The following TTC7A variants were observed in gnomAD, a reference collection of about 807,000 sequenced individuals.
TTC7A encodes tetratricopeptide repeat domain 7A, also known as tetratricopeptide repeat protein 7A.
In TTC7A, 110 loss-of-function variants were observed where a neutral mutation model predicts 103.7. The observed-to-expected ratio is 1.06, with a 90% CI of 0.91 to 1.24. The LOEUF is 1.24. Ranked by LOEUF, TTC7A falls within the 50% of genes most tolerant of loss-of-function variation. TTC7A has a pLI of 0.00. For synonymous variants in TTC7A, 521 were observed against 467.9 expected (o/e 1.11, Z -1.47); for missense variants, 1,340 against 1,116.3 (o/e 1.20, Z -2.86).
intron 19 of TTC7A, chr2:47,065,874 G>C (rs1463614048): frequency 6.6e-6 from 1 of 152,194 alleles, no homozygotes; most frequent in Non-Finnish European, 1.5e-5. Context: ...CGAGGTGTCT[G>C]GGTGGCACTC....
At chr2:46,995,029 C>T in intron 7 of TTC7A, 107 bp from the exon 8 acceptor site, 5 of 1,016,962 alleles carry the variant, frequency 4.9e-6, no homozygotes, top group Non-Finnish European at 6.1e-6. Context: ...AAGAGGTCAC[C>T]TTACCGAGCT....
At chr2:47,058,617 G>C (rs967467177) in intron 18 of TTC7A, among the ~76,000 whole-genome samples, 1 of 152,244 alleles carries the variant, frequency 6.6e-6, no homozygotes, top group African/African-American at 2.4e-5. Context: ...GTCAGACTCT[G>C]CTGGCCCTTC....
rs35897582 is a variant in TTC7A at position 46,928,459 on chromosome 2, TAAAAA to T, written c.82+11204_82+11208del. Among the ~76,000 whole-genome samples the T allele has an allele frequency of 8.6e-3, 709 of 81,986 alleles. 11 individuals carry two copies. Among genetic ancestry groups the T allele is most frequent in the African/African-American group, 0.025 (644 of 26,046 alleles). The allele number at this position is 81,986 out of a possible 152,430, so 53.8% of individuals were successfully genotyped here. ...AAGCTCAGGTGGTGGAAAGGGAAATTAAAAAAAAAAAAAAAAAAAAAAAAAACTTG... is the reference window on the plus strand; with the variant it reads ...AAGCTCAGGTGGTGGAAAGGGAAATTAAAAAAAAAAAAAAAAAAAAACTTG... On this transcript the variant is annotated intron_variant, in intron 2 of 20. Transcript: ENST00000409245.
Position 46,989,634 on chromosome 2 carries a change from C to G in TTC7A, c.765-3816C>G, listed in dbSNP as rs979985988. Among the ~76,000 whole-genome samples the G allele has an allele frequency of 2.4e-5, 3 of 126,378 alleles. No individual in the cohort carries two copies. The East Asian group carries it at 6.4e-4, about 27-fold the overall frequency. The allele number at this position is 126,378 out of a possible 152,430, so 82.9% of individuals were successfully genotyped here. On this transcript the variant is annotated intron_variant, in intron 5 of 19. Transcript: ENST00000319190. The stretch of plus-strand genomic sequence containing the variant: ...CCTCTCTATTTTTTTTTTTTTTTTT[C>G]TTGAAGGACATTCAATAAAAATTGG...
At chr2:47,042,535 G>C (rs990451867) in intron 15 of TTC7A, among the ~76,000 whole-genome samples, 89 of 152,142 alleles carry the variant, frequency 5.8e-4, no homozygotes, top group African/African-American at 2.0e-3. Context: ...TTTATAAAAG[G>C]GCAGCTTTTC....
intron 3 of TTC7A, 156 bp from the exon 4 acceptor site, chr2:46,974,817 C>T: frequency 9.5e-7 from 1 of 1,050,218 alleles, no homozygotes. Context: ...ACCACCGTCG[C>T]TTCAGCTTCC....
chr2:46,976,765 A>C (rs1042490791), intron 4 of TTC7A, among the ~76,000 whole-genome samples: 4 of 152,214 alleles, frequency 2.6e-5, no homozygotes, highest in African/African-American at 9.7e-5. Context: ...TTGTTGTGAC[A>C]ACCAAAAATG....
At chr2:46,942,999 G>A (rs962458597) in intron 1 of TTC7A, among the ~76,000 whole-genome samples, 2 of 152,118 alleles carry the variant, frequency 1.3e-5, no homozygotes, top group African/African-American at 4.8e-5. Flanking sequence ...TCAACTTCCT[G>A]GGCTCAAGCG....
At chr2:46,957,221 C>G (rs143502111) in intron 3 of TTC7A, among the ~76,000 whole-genome samples, 1 of 152,248 alleles carries the variant, frequency 6.6e-6, no homozygotes, top group Non-Finnish European at 1.5e-5. Flanking sequence ...CGCCCTGGCT[C>G]TGTCAACAAC....
chr2:47,003,042 C>T (rs756211738), intron 8 of TTC7A, among the ~76,000 whole-genome samples: 1 of 152,082 alleles, frequency 6.6e-6, no homozygotes, highest in African/African-American at 2.4e-5. Context: ...TTCTTCTGAC[C>T]TAATTAACGC....
chr2:46,917,741 T>C (rs1668888770), intron 2 of TTC7A, among the ~76,000 whole-genome samples: 1 of 152,230 alleles, frequency 6.6e-6, no homozygotes, highest in Non-Finnish European at 1.5e-5. Context: ...GCAATCTCCA[T>C]GCAAATCTAG....
At chr2:46,985,412 G>T (rs1674917820) in intron 5 of TTC7A, among the ~76,000 whole-genome samples, 1 of 152,222 alleles carries the variant, frequency 6.6e-6, no homozygotes, top group East Asian at 1.9e-4. Flanking sequence ...TGTTTCCTGT[G>T]GCCCATCCAG....
At chr2:46,916,109 A>C, upstream of TTC7A, 1 of 985,536 alleles carries the variant, frequency 1.0e-6, no homozygotes, top group African/African-American at 1.7e-5. Context: ...AGGATGGCGG[A>C]TCCGGATGGG....
Position 46,933,786 on chromosome 2 carries a change from AATTTAT to A in TTC7A, c.82+16515_82+16520del, listed in dbSNP as rs139355565. ...ACTGTTGATCATGAAGCAAATGTTT[AATTTAT>A]ATTTAAATTTAGGATTTCTAGGGTG... On this transcript the variant is annotated intron_variant, in intron 2 of 20. Coordinates refer to the TTC7A transcript ENST00000409245. 5.2e-3 allele frequency among the ~76,000 whole-genome samples: 790 copies of A among 152,338 alleles called. 5 individuals carry two copies. Among genetic ancestry groups the A allele is most frequent in the African/African-American group, 0.018 (757 of 41,564 alleles).
chr2:47,054,250 C>A, intron 18 of TTC7A: 1 of 781,856 alleles, frequency 1.3e-6, no homozygotes, highest in Non-Finnish European at 1.5e-6. Context: ...ATTTCTTTCT[C>A]ATGTAACAGT....
intron 5 of TTC7A, among the ~76,000 whole-genome samples, chr2:46,985,888 T>A (rs1007821124): frequency 6.6e-6 from 1 of 152,236 alleles, no homozygotes; most frequent in Non-Finnish European, 1.5e-5. Context: ...TTTCTCAGCC[T>A]CAGTACTGCT....
At chr2:47,026,502 C>T (rs560012019) in intron 14 of TTC7A, among the ~76,000 whole-genome samples, 5 of 152,244 alleles carry the variant, frequency 3.3e-5, no homozygotes, top group Admixed American at 1.3e-4. Context: ...CAAGGCCCCG[C>T]GAGAAGGGTG....
intron 8 of TTC7A, among the ~76,000 whole-genome samples, chr2:46,998,311 T>C (rs1052502376): frequency 1.3e-5 from 2 of 152,224 alleles, no homozygotes; most frequent in African/African-American, 2.4e-5. Flanking sequence ...CCCCGGCTGC[T>C]GGATCTGGCC....
chr2:47,073,403 C>T (rs1239418239), intron 19 of TTC7A, among the ~76,000 whole-genome samples: 2 of 152,146 alleles, frequency 1.3e-5, no homozygotes, highest in Admixed American at 1.3e-4. Flanking sequence ...GCCTAGGATC[C>T]CCCAAACAGT....
Sources: gnomAD v4.1 joint callset for allele counts (sites outside exome capture counted in the v4.1 genomes callset) on GRCh38, gnomAD v4.1.1 for gene constraint, MANE v1.5 for transcripts, NCBI Gene and HGNC (gene_info 2026-07-23, HGNC 2026-07-21) for gene names.